The following NCOR2 variants were observed in gnomAD, a reference collection of about 807,000 sequenced individuals.
The protein encoded by NCOR2 is nuclear receptor corepressor 2, also known as CTG repeat protein 26.
A neutral mutation model predicts 262.9 loss-of-function variants in NCOR2; 81 were observed. The ratio of observed to expected loss-of-function variants is 0.31; its 90% confidence interval spans 0.26 to 0.37. NCOR2 has a LOEUF of 0.37. Ranked by LOEUF, NCOR2 falls within the 10% of genes least tolerant of loss-of-function variation. The pLI is 1.00. For synonymous variants in NCOR2, 1,659 were observed against 1,559.3 expected, an observed-to-expected ratio of 1.06 and a Z score of -1.51; for missense variants, 3,385 against 3,621.4, an observed-to-expected ratio of 0.93 and a Z score of 1.68.
chr12:124,425,911 G>C (rs10846673), intron 11 of NCOR2, among the ~76,000 whole-genome samples: 72,408 of 152,008 alleles, frequency 0.48, 19,528 homozygotes, highest in Non-Finnish European at 0.59. Context: ...TAAGGGACAG[G>C]AGGGGGAAAA....
chr12:124,556,179 C>T (rs2051877397), intron 1 of NCOR2: 1 of 152,394 alleles, frequency 6.6e-6, no homozygotes. Flanking sequence ...TCACGGCCAC[C>T]AAGGGAGGGA....
chr12:124,419,898 A>C (rs1202148948), intron 13 of NCOR2, 59 bp downstream of exon 15: 14 of 1,479,388 alleles, frequency 9.5e-6, no homozygotes, highest in Non-Finnish European at 1.3e-5. Flanking sequence ...CCACCAAGCA[A>C]GTGGCCGCTG....
At chr12:124,500,046 G>A (rs555106104), upstream of NCOR2, among the ~76,000 whole-genome samples, 5 of 152,288 alleles carry the variant, frequency 3.3e-5, no homozygotes, top group African/African-American at 9.6e-5. Context: ...GTGGCATACC[G>A]AGAGGTGCCT....
intron 13 of NCOR2, among the ~76,000 whole-genome samples, chr12:124,408,567 G>A (rs2042399875): frequency 6.6e-6 from 1 of 151,916 alleles, no homozygotes; most frequent in Non-Finnish European, 1.5e-5. Context: ...GCAACACAGT[G>A]AGACCCTGTC....
At chr12:124,508,602 G>A (rs1181583798) in intron 1 of NCOR2, among the ~76,000 whole-genome samples, 1 of 152,208 alleles carries the variant, frequency 6.6e-6, no homozygotes, top group East Asian at 1.9e-4. Flanking sequence ...CAGAGACCCA[G>A]GAATGTGGCC....
chr12:124,437,114 TA>T (rs1217674228), intron 8 of NCOR2, among the ~76,000 whole-genome samples: 10 of 149,644 alleles, frequency 6.7e-5, no homozygotes, highest in African/African-American at 2.3e-4. Context: ...AATAAACAAA[TA>T]AAATGAAATG....
chr12:124,434,507 ACCC>A (rs1216224353), intron 8 of NCOR2, among the ~76,000 whole-genome samples: 3 of 150,252 alleles, frequency 2.0e-5, no homozygotes, highest in Admixed American at 1.3e-4. Context: ...CCCTCCACAG[ACCC>A]CCCAAGGAGC....
At chr12:124,391,784 A>G (rs1255548831) in intron 16 of NCOR2, among the ~76,000 whole-genome samples, 1 of 152,210 alleles carries the variant, frequency 6.6e-6, no homozygotes, top group African/African-American at 2.4e-5. Context: ...CCAGCTCTCA[A>G]AAAAACCCAG....
rs757679154 is a variant in NCOR2, at chr12:124,354,827, G to C, written c.3484+10C>G. 3.7e-6 allele frequency: 6 copies of C among 1,611,874 alleles called. No homozygotes were observed. Among genetic ancestry groups the C allele is most frequent in the Non-Finnish European group, 5.1e-6 (6 of 1,178,938 alleles). On this transcript the variant is annotated intron_variant, in intron 25 of 46. Coordinates refer to ENST00000405201, the Ensembl canonical transcript of NCOR2. ...CTGAGCCACCCAGACGGATGGGCCAGGAGCCTTACCCAGCTTTTTGGGGTC... is the reference window on the plus strand; with the variant it reads ...CTGAGCCACCCAGACGGATGGGCCACGAGCCTTACCCAGCTTTTTGGGGTC...
chr12:124,550,515 G>C lies in NCOR2; in HGVS notation c.-164-14904C>G, dbSNP rs71458855. ...CTGGCAGGGGGAGGATGGTGAACGGGGGGGAGGACAGCTCTGTTCCTTTTC... is the reference window on the plus strand; with the variant it reads ...CTGGCAGGGGGAGGATGGTGAACGGCGGGGAGGACAGCTCTGTTCCTTTTC... On this transcript the variant is annotated intron_variant, in intron 1 of 32. Coordinates refer to the NCOR2 transcript ENST00000458234. Among the ~76,000 whole-genome samples, 833 of 152,284 alleles carry C rather than the reference G, an allele frequency of 5.5e-3. 5 individuals are homozygous for C. The highest frequency in any genetic ancestry group is 6.9e-3 in the Non-Finnish European group (467 of 68,018).
intron 11 of NCOR2, among the ~76,000 whole-genome samples, chr12:124,424,775 T>C (rs1000831358): frequency 6.6e-6 from 1 of 152,192 alleles, no homozygotes; most frequent in African/African-American, 2.4e-5. Flanking sequence ...AGGAAGCTCT[T>C]GTCCGGAGGC....
intron 45 of NCOR2, 71 bp downstream of exon 47, chr12:124,327,338 C>G: frequency 1.7e-6 from 2 of 1,194,254 alleles, no homozygotes; most frequent in East Asian, 2.6e-5. Context: ...GTCAGAGGAG[C>G]GCGGAGGAGC....
intron 16 of NCOR2, among the ~76,000 whole-genome samples, chr12:124,395,337 C>T (rs996239931): frequency 2.0e-5 from 3 of 152,304 alleles, no homozygotes; most frequent in South Asian, 2.1e-4. Context: ...GCCCCACCCC[C>T]GCTCCCTCCT....
intron 22 of NCOR2, among the ~76,000 whole-genome samples, chr12:124,359,516 T>G (rs562338767): frequency 7.9e-5 from 12 of 152,326 alleles, no homozygotes; most frequent in African/African-American, 2.2e-4. Context: ...GGGGCACAGA[T>G]GCAGGGGAAT....
intron 4 of NCOR2, among the ~76,000 whole-genome samples, chr12:124,466,670 G>C (rs1626237): frequency 0.19 from 29,357 of 152,022 alleles, 2,908 homozygotes; most frequent in East Asian, 0.21. Context: ...CAGGCCTGCT[G>C]CGAGCCGGCA....
At chr12:124,401,363 T>C (rs1173711270) in intron 14 of NCOR2, among the ~76,000 whole-genome samples, 1 of 152,208 alleles carries the variant, frequency 6.6e-6, no homozygotes, top group Non-Finnish European at 1.5e-5. Flanking sequence ...GCTACTTTCT[T>C]CTGGGCTGGT....
intron 1 of NCOR2, among the ~76,000 whole-genome samples, chr12:124,519,089 T>TACACACACACACACACACACACACAC (rs57438929): frequency 1.1e-4 from 11 of 97,250 alleles, no homozygotes; most frequent in Admixed American, 2.2e-4. Context: ...GGCCAAATAA[T>TACACACACACACACACACACACACAC]ACACACACAC....
chr12:124,498,397 G>GA (rs1261622707), upstream of NCOR2, among the ~76,000 whole-genome samples: 1 of 152,098 alleles, frequency 6.6e-6, no homozygotes, highest in African/African-American at 2.4e-5. Flanking sequence ...CATGGGGCTG[G>GA]AACCTCGGCC....
In NCOR2 at chr12:124,328,805, G is replaced by C. The variant is rs149534795; in HGVS notation, c.6959-1172C>G. 4 of 243,186 alleles carry C rather than the reference G, an allele frequency of 1.6e-5. No individual in the cohort carries two copies. In the East Asian group the frequency reaches 3.3e-4, roughly 20 times the overall value. The allele number at this position is 243,186 out of a possible 1,614,324, so 15.1% of individuals were successfully genotyped here. On this transcript the variant is annotated intron_variant, in intron 44 of 46. Transcript: ENST00000405201. ...CTTCCATGAGGTTGCGGGTGATGCA[G>C]ATGCTTTGAAAATCACGTTTCTGTA...
Sources: gnomAD v4.1 joint callset for allele counts (sites outside exome capture counted in the v4.1 genomes callset) on GRCh38, gnomAD v4.1.1 for gene constraint, MANE v1.5 for transcripts, NCBI Gene and HGNC (gene_info 2026-07-23, HGNC 2026-07-21) for gene names.